The following GRID2 variants were observed in gnomAD, a reference collection of about 807,000 sequenced individuals.
GRID2 encodes glutamate ionotropic receptor delta type subunit 2.
Under a neutral mutation model 114.8 loss-of-function variants are expected in GRID2, and 33 were observed. The ratio of observed to expected loss-of-function variants is 0.29; its 90% CI spans 0.22 to 0.38. The LOEUF (loss-of-function observed/expected upper bound fraction) is 0.38, where lower values mean the gene tolerates loss of function less well. Ranked by LOEUF, GRID2 falls within the 10% of genes least tolerant of loss-of-function variation. GRID2 has a pLI of 1.00. For synonymous variants in GRID2, 505 were observed against 449.9 expected (o/e 1.12, Z -1.55); for missense variants, 1,184 against 1,257.7 (o/e 0.94, Z 0.89).
At chr4:92,930,535 T>C (rs1750144753) in intron 2 of GRID2, among the ~76,000 whole-genome samples, 1 of 150,788 alleles carries the variant, frequency 6.6e-6, no homozygotes, top group African/African-American at 2.4e-5. Flanking sequence ...TATAAGAAGA[T>C]TTAGGCAATT....
chr4:92,660,470 C>T (rs1041432971), intron 2 of GRID2, among the ~76,000 whole-genome samples: 2 of 151,236 alleles, frequency 1.3e-5, no homozygotes, highest in Non-Finnish European at 3.0e-5. Flanking sequence ...AGAAATGATA[C>T]ATGAGTAAAT....
chr4:92,715,656 C>T (rs929451368), intron 2 of GRID2, among the ~76,000 whole-genome samples: 6 of 152,064 alleles, frequency 3.9e-5, no homozygotes, highest in Admixed American at 6.6e-5. Context: ...GTGAAGAGAG[C>T]GAGTGCAGGG....
At chr4:92,332,546 C>G (rs1726949599) in intron 1 of GRID2, among the ~76,000 whole-genome samples, 1 of 152,114 alleles carries the variant, frequency 6.6e-6, no homozygotes, top group African/African-American at 2.4e-5. Context: ...ATCCTATAGT[C>G]CCCCAAATCT....
intron 8 of GRID2, among the ~76,000 whole-genome samples, chr4:93,249,144 C>T (rs758001101): frequency 2.0e-5 from 3 of 152,158 alleles, no homozygotes; most frequent in Non-Finnish European, 2.9e-5. Flanking sequence ...TTCACCATTG[C>T]TTGTTTTTGT....
intron 1 of GRID2, among the ~76,000 whole-genome samples, chr4:92,390,739 C>G (rs1024105112): frequency 6.6e-6 from 1 of 152,130 alleles, no homozygotes; most frequent in Non-Finnish European, 1.5e-5. Context: ...TCAGGTTTTA[C>G]TCAACATAAG....
chr4:93,130,876 G>T (rs1579074183), intron 4 of GRID2, among the ~76,000 whole-genome samples: 1 of 152,198 alleles, frequency 6.6e-6, no homozygotes, highest in Non-Finnish European at 1.5e-5. Context: ...CTTATAACTG[G>T]TTTAAATGAG....
At chr4:92,590,318 G>A in intron 2 of GRID2, 32 bp downstream of exon 2, 1 of 1,527,746 alleles carries the variant, frequency 6.5e-7, no homozygotes, top group East Asian at 2.3e-5. Context: ...TTGGTTTTTT[G>A]GTTCAATTCA....
chr4:93,514,553 C>T (rs968201539), intron 12 of GRID2, among the ~76,000 whole-genome samples: 4 of 151,994 alleles, frequency 2.6e-5, no homozygotes, highest in African/African-American at 7.2e-5. Flanking sequence ...GACAGACCCA[C>T]ATTTGAATTC....
intron 8 of GRID2, among the ~76,000 whole-genome samples, chr4:93,271,347 A>G (rs1238717027): frequency 1.3e-5 from 2 of 152,182 alleles, no homozygotes; most frequent in Admixed American, 6.5e-5. Context: ...CAGAGAACGC[A>G]TGAAAGTTGT....
intron 2 of GRID2, among the ~76,000 whole-genome samples, chr4:93,035,006 G>A (rs936781546): frequency 6.6e-6 from 1 of 151,878 alleles, no homozygotes; most frequent in Non-Finnish European, 1.5e-5. Flanking sequence ...AAAAATAGAA[G>A]TAGCTATAAA....
At chr4:93,589,033 T>A (rs1450944690) in intron 13 of GRID2, among the ~76,000 whole-genome samples, 1 of 98,800 alleles carries the variant, frequency 1.0e-5, no homozygotes, top group Non-Finnish European at 2.6e-5. Flanking sequence ...CTCCCCTGCT[T>A]TTTTTTTTAT....
intron 1 of GRID2, among the ~76,000 whole-genome samples, chr4:92,497,701 A>G (rs188269210): frequency 7.2e-4 from 109 of 151,952 alleles, no homozygotes; most frequent in Middle Eastern, 3.4e-3. Context: ...GCAGATCATC[A>G]CTAATTATTT....
At chr4:92,388,018 C>A (rs1451806560) in intron 1 of GRID2, among the ~76,000 whole-genome samples, 2 of 151,978 alleles carry the variant, frequency 1.3e-5, no homozygotes, top group Non-Finnish European at 2.9e-5. Context: ...AATCTTCCAA[C>A]ATTTTGTTTG....
At chr4:93,794,245 G>C (rs1393152099) in intron 1 of GRID2, among the ~76,000 whole-genome samples, 2 of 152,172 alleles carry the variant, frequency 1.3e-5, no homozygotes, top group Non-Finnish European at 1.5e-5. Flanking sequence ...CAGGGAGACA[G>C]GGCAGGATTT....
chr4:93,033,716 T>C (rs1724655360), intron 2 of GRID2, among the ~76,000 whole-genome samples: 2 of 152,276 alleles, frequency 1.3e-5, no homozygotes, highest in South Asian at 4.1e-4. Flanking sequence ...CTTTTTTTCA[T>C]TTTATGAATT....
At chr4:93,784,645 TACACACACAC>T (rs59896203) in intron 1 of GRID2, among the ~76,000 whole-genome samples, 1 of 147,738 alleles carries the variant, frequency 6.8e-6, no homozygotes, top group South Asian at 2.2e-4. Context: ...GTCCTTTTTA[TACACACACAC>T]ACACACACAC....
chr4:93,532,173 A>G (rs527503405), intron 13 of GRID2, among the ~76,000 whole-genome samples: 2 of 152,296 alleles, frequency 1.3e-5, no homozygotes, highest in South Asian at 4.1e-4. Flanking sequence ...TGGAAAATGT[A>G]AAAGAATGGG....
At chr4:93,698,212 G>C (rs758611078) in intron 14 of GRID2, among the ~76,000 whole-genome samples, 2 of 151,770 alleles carry the variant, frequency 1.3e-5, no homozygotes, top group African/African-American at 4.8e-5. Flanking sequence ...TTCCAAATGC[G>C]TGTCTGTTTT....
intron 9 of GRID2, among the ~76,000 whole-genome samples, chr4:93,417,297 C>A (rs564909914): frequency 1.3e-5 from 2 of 152,220 alleles, no homozygotes; most frequent in African/African-American, 4.8e-5. Context: ...TACTTTCTTA[C>A]TATCCCATTT....
Sources: gnomAD v4.1 joint callset for allele counts (sites outside exome capture counted in the v4.1 genomes callset) on GRCh38, gnomAD v4.1.1 for gene constraint, MANE v1.5 for transcripts, NCBI Gene and HGNC (gene_info 2026-07-23, HGNC 2026-07-21) for gene names.